The following SHISA6 variants were observed in gnomAD, a reference collection of about 807,000 sequenced individuals.
The protein encoded by SHISA6 is protein shisa-6.
SHISA6 carries 22 observed loss-of-function variants against 47.9 expected under a neutral mutation model. The ratio of observed to expected loss-of-function variants is 0.46; its 90% CI spans 0.33 to 0.66. SHISA6 has a LOEUF of 0.66. SHISA6 is among the 30% of genes least tolerant of loss of function. The pLI, the probability that SHISA6 is intolerant of heterozygous loss-of-function variation, is 0.02. For synonymous variants in SHISA6, 388 were observed against 337.8 expected (o/e 1.15, Z -1.63); for missense variants, 680 against 764.6 (o/e 0.89, Z 1.30).
At chr17:11,350,332 A>C (rs1360068658) in intron 2 of SHISA6, among the ~76,000 whole-genome samples, 1 of 3,746 alleles carries the variant, frequency 2.7e-4, no homozygotes, top group African/African-American at 3.8e-4. Context: ...GGCGCCTGCC[A>C]CCACGCCCGG....
At chr17:11,449,392 G>T (rs985909958) in intron 3 of SHISA6, among the ~76,000 whole-genome samples, 1 of 152,060 alleles carries the variant, frequency 6.6e-6, no homozygotes, top group Non-Finnish European at 1.5e-5. Flanking sequence ...GCACTGAGCT[G>T]AGATCGTGCT....
Position 11,336,490 on chromosome 17 carries a change from C to T in SHISA6, c.800-42924C>T, listed in dbSNP as rs145150200. Among the ~76,000 whole-genome samples, 25 of 152,224 alleles carry T rather than the reference C, an allele frequency of 1.6e-4. 2 individuals carry two copies. Among genetic ancestry groups the T allele is most frequent in the African/African-American group, 6.0e-4 (25 of 41,532 alleles). On this transcript the variant is annotated intron_variant, in intron 2 of 5. Transcript: ENST00000441885. ...TCCCCAGAGACCCCAATATTGGGCT[C>T]ATGGGGCACCTCCTGCTGCAGCTCC...
intron 3 of SHISA6, among the ~76,000 whole-genome samples, chr17:11,417,332 A>G (rs1914309578): frequency 6.6e-6 from 1 of 152,188 alleles, no homozygotes; most frequent in South Asian, 2.1e-4. Flanking sequence ...AAGTAGGTTG[A>G]AGAAGTAAAT....
intron 2 of SHISA6, among the ~76,000 whole-genome samples, chr17:11,377,317 G>T (rs184589863): frequency 1.3e-4 from 20 of 152,150 alleles, no homozygotes; most frequent in African/African-American, 4.8e-4. Context: ...GTATTTTACA[G>T]CAAGAATGCT....
intron 3 of SHISA6, among the ~76,000 whole-genome samples, chr17:11,458,098 A>AT (rs1214117129): frequency 5.1e-4 from 77 of 152,006 alleles, no homozygotes; most frequent in African/African-American, 1.7e-3. Context: ...AAAAAAAAAA[A>AT]AAAATAGAAT....
At chr17:11,294,490 T>C (rs1479948809) in intron 2 of SHISA6, among the ~76,000 whole-genome samples, 1 of 152,192 alleles carries the variant, frequency 6.6e-6, no homozygotes, top group Non-Finnish European at 1.5e-5. Context: ...ATGAGCAGGT[T>C]GCTCCCCGCG....
In SHISA6 at chr17:11,558,127, C is replaced by T. The variant is rs1240937259; in HGVS notation, c.1479C>T (p.Ser493=). Residue 493 remains serine, a synonymous_variant, in exon 6 of 6, where the codon AGC becomes AGT. Transcript: ENST00000441885. The stretch of plus-strand genomic sequence containing the variant: ...CCGTGCTGGACCGCTACCGCATGAG[C>T]AAGATGCACTCTCATCCCAGTGCCT... ...STPVLDRYRM[S]KMHSHPSASN... is the part of the protein sequence containing the mutation. 1 of 1,551,116 alleles carries T rather than the reference C, an allele frequency of 6.4e-7. No homozygotes were observed. The highest frequency in any genetic ancestry group is 8.7e-7 in the Non-Finnish European group (1 of 1,147,008).
At chr17:11,263,094 T>C (rs950362786) in intron 1 of SHISA6, among the ~76,000 whole-genome samples, 1 of 152,194 alleles carries the variant, frequency 6.6e-6, no homozygotes, top group African/African-American at 2.4e-5. Flanking sequence ...AGCCAGTATT[T>C]TGAAAGGGCT....
chr17:11,481,553 C>T (rs984089280), intron 3 of SHISA6, among the ~76,000 whole-genome samples: 13 of 149,808 alleles, frequency 8.7e-5, no homozygotes, highest in Admixed American at 3.3e-4. Context: ...AGTGCAGTGG[C>T]GCGATCTTGG....
At chr17:11,388,838 AT>A (rs1286141755) in intron 3 of SHISA6, among the ~76,000 whole-genome samples, 17 of 109,604 alleles carry the variant, frequency 1.6e-4, no homozygotes, top group African/African-American at 6.6e-4. Flanking sequence ...ATATATATAT[AT>A]ATTTTAAAAA....
intron 3 of SHISA6, among the ~76,000 whole-genome samples, chr17:11,537,126 A>C (rs2071794669): frequency 1.3e-5 from 2 of 151,142 alleles, no homozygotes; most frequent in African/African-American, 4.9e-5. Context: ...GAAAATGAAC[A>C]TCCTTGCCAG....
intron 3 of SHISA6, among the ~76,000 whole-genome samples, chr17:11,515,616 CACAGAG>C (rs1468771320): frequency 6.6e-6 from 1 of 152,084 alleles, no homozygotes; most frequent in Non-Finnish European, 1.5e-5. Context: ...AGCTCTGGGG[CACAGAG>C]TGTGTAGCAA....
chr17:11,430,508 TGG>T (rs1158808516), intron 3 of SHISA6, among the ~76,000 whole-genome samples: 1 of 152,158 alleles, frequency 6.6e-6, no homozygotes, highest in Non-Finnish European at 1.5e-5. Flanking sequence ...TTTGGAGTCA[TGG>T]GGGGTTTGGA....
intron 3 of SHISA6, among the ~76,000 whole-genome samples, chr17:11,397,706 T>C (rs1462553230): frequency 6.6e-6 from 1 of 152,106 alleles, no homozygotes; most frequent in Non-Finnish European, 1.5e-5. Context: ...TGATGACAGT[T>C]AAATTCTTCT....
intron 4 of SHISA6, among the ~76,000 whole-genome samples, chr17:11,554,427 C>G (rs1472863042): frequency 1.3e-5 from 2 of 152,084 alleles, no homozygotes; most frequent in African/African-American, 4.8e-5. Flanking sequence ...GTCAGGAGTC[C>G]CCGGTGCTTG....
chr17:11,362,622 T>A (rs17597905), intron 2 of SHISA6, among the ~76,000 whole-genome samples: 71,767 of 152,160 alleles, frequency 0.47, 17,148 homozygotes, highest in Middle Eastern at 0.54. Context: ...ACTGGCGGTG[T>A]GGTTTTGGAC....
At chr17:11,451,213 C>T (rs1190373229) in intron 3 of SHISA6, among the ~76,000 whole-genome samples, 1 of 152,106 alleles carries the variant, frequency 6.6e-6, no homozygotes, top group Non-Finnish European at 1.5e-5. Flanking sequence ...TCTTTTCCAT[C>T]CATTCTCTGC....
intron 3 of SHISA6, among the ~76,000 whole-genome samples, chr17:11,424,317 G>C (rs1914543560): frequency 6.6e-6 from 1 of 152,176 alleles, no homozygotes; most frequent in African/African-American, 2.4e-5. Context: ...AGATGATGCT[G>C]TGATGAGGCA....
intron 2 of SHISA6, among the ~76,000 whole-genome samples, chr17:11,374,009 C>T (rs771289547): frequency 6.6e-6 from 1 of 152,170 alleles, no homozygotes; most frequent in Non-Finnish European, 1.5e-5. Flanking sequence ...AACCGATTTA[C>T]ACTCCCAGAA....
Sources: gnomAD v4.1 joint callset for allele counts (sites outside exome capture counted in the v4.1 genomes callset) on GRCh38, gnomAD v4.1.1 for gene constraint, MANE v1.5 for transcripts, NCBI Gene and HGNC (gene_info 2026-07-23, HGNC 2026-07-21) for gene names.